The following GRM4 variants were observed in gnomAD, a reference collection of about 807,000 sequenced individuals.
GRM4 encodes the protein metabotropic glutamate receptor 4.
Under a neutral mutation model 81.7 loss-of-function variants are expected in GRM4, and 28 were observed. The observed-to-expected ratio is 0.34, with a 90% CI of 0.25 to 0.47. The LOEUF (loss-of-function observed/expected upper bound fraction) is 0.47. GRM4 is among the 20% of genes least tolerant of loss of function. GRM4 has a pLI of 1.00. For synonymous variants in GRM4, 488 were observed against 528.8 expected (o/e 0.92, Z 1.06); for missense variants, 948 against 1,290.0 (o/e 0.73, Z 4.06).
chr6:34,103,226 C>T (rs1012737567), intron 2 of GRM4, among the ~76,000 whole-genome samples: 2 of 152,236 alleles, frequency 1.3e-5, no homozygotes, highest in Non-Finnish European at 2.9e-5. Context: ...TTACGTTTTC[C>T]AGGAGAGAAC....
chr6:34,102,038 A>G, intron 2 of GRM4: 9 of 1,535,322 alleles, frequency 5.9e-6, no homozygotes, highest in Non-Finnish European at 7.8e-6. Flanking sequence ...TCCACCCCCA[A>G]AGCATGGCCC....
chr6:34,123,179 C>A (rs1177866521), intron 2 of GRM4, among the ~76,000 whole-genome samples: 1 of 152,170 alleles, frequency 6.6e-6, no homozygotes, highest in Non-Finnish European at 1.5e-5. Context: ...CAAGGGGAGA[C>A]CCTCAGCCCT....
intron 4 of GRM4, chr6:34,061,141 A>G (rs1391808398): frequency 3.3e-5 from 5 of 152,262 alleles, no homozygotes; most frequent in Admixed American, 6.5e-5. Flanking sequence ...CCCGGGCCAG[A>G]TATCTGAGGA....
In GRM4 at chr6:34,133,145, G is replaced by C; in HGVS notation, c.352C>G (p.Gln118Glu). Residue 118 changes from glutamine (Q) to glutamate (E), a missense_variant, in exon 2 of 11, where the codon CAG (glutamine) becomes GAG (glutamate). Physicochemically the swap from Gln to Glu is conservative, Grantham distance 29 (BLOSUM62 2). Coordinates refer to ENST00000538487, the MANE Select transcript of GRM4 (RefSeq NM_000841.4). The surrounding 1 kb of genome is among the most constrained non-coding windows in gnomAD (Gnocchi z 6.5). ...AGCGCCTGCACAAAGGTCAGCGACT[G>C]CTCGAGGGCATGGGTGTCCCTGGAG... ...TCSRDTHALEQSLTFVQALIE... is the reference protein window; with the variant it reads ...TCSRDTHALEESLTFVQALIE... 1 of 1,614,086 alleles carries C rather than the reference G, an allele frequency of 6.2e-7. No individual in the cohort carries two copies. The highest frequency in any genetic ancestry group is 8.5e-7 in the Non-Finnish European group (1 of 1,179,954).
intron 2 of GRM4, among the ~76,000 whole-genome samples, chr6:34,104,362 T>A (rs1350517426): frequency 6.6e-6 from 1 of 152,214 alleles, no homozygotes; most frequent in Non-Finnish European, 1.5e-5. Flanking sequence ...GGAGTGTTCG[T>A]GTCATCATAA....
At position 34,136,563 on chromosome 6, in the gene GRM4, G is replaced by GACACACACACACACACACACACACACAC. The variant is rs10635207; in HGVS notation, c.-363-2732_-363-2705dup. ...GCTGAGCAGTGCATGCGCGCGTGCG[G>GACACACACACACACACACACACACACAC]ACACACACACACACACACACACACA... is the stretch of plus-strand genomic sequence containing the variant. On this transcript the variant is annotated intron_variant, in intron 1 of 10. Transcript: ENST00000538487. This position sits in a 1 kb window ranked among gnomAD's most constrained non-coding sequence, Gnocchi z 4.1. Among the ~76,000 whole-genome samples, 2 of 142,532 alleles carry GACACACACACACACACACACACACACAC rather than the reference G, an allele frequency of 1.4e-5. No homozygotes were observed. Among genetic ancestry groups the GACACACACACACACACACACACACACAC allele is most frequent in the South Asian group, 2.3e-4 (1 of 4,288 alleles). The allele number at this position is 142,532 out of a possible 152,430, so 93.5% of individuals were successfully genotyped here.
intron 3 of GRM4, among the ~76,000 whole-genome samples, chr6:34,088,328 T>C (rs552990548): frequency 1.3e-5 from 2 of 152,274 alleles, no homozygotes; most frequent in Admixed American, 6.5e-5. Flanking sequence ...TTCACCATGT[T>C]GGCCAAGCTG....
intron 2 of GRM4, among the ~76,000 whole-genome samples, chr6:34,117,932 C>G (rs1434905064): frequency 6.6e-6 from 1 of 152,132 alleles, no homozygotes; most frequent in Admixed American, 6.5e-5. Flanking sequence ...ATGAAAGATG[C>G]GAGGGCCCCT....
intron 2 of GRM4, among the ~76,000 whole-genome samples, chr6:34,122,666 C>T (rs1373174038): frequency 6.6e-6 from 1 of 152,082 alleles, no homozygotes; most frequent in Non-Finnish European, 1.5e-5. Flanking sequence ...TCCACCCCTG[C>T]TGCGGGCACC....
At chr6:34,149,057 T>C (rs1167154458), upstream of GRM4, among the ~76,000 whole-genome samples, 1 of 152,150 alleles carries the variant, frequency 6.6e-6, no homozygotes, top group African/African-American at 2.4e-5. Context: ...CTTCCTGAGG[T>C]CTGACCTAAC....
At chr6:34,117,999 A>G (rs1769663806) in intron 2 of GRM4, among the ~76,000 whole-genome samples, 1 of 152,212 alleles carries the variant, frequency 6.6e-6, no homozygotes, top group East Asian at 1.9e-4. Context: ...AGGATATTGG[A>G]ACATGCTCAC....
chr6:34,037,448 T>A (rs928373892), intron 8 of GRM4, among the ~76,000 whole-genome samples: 4 of 152,158 alleles, frequency 2.6e-5, no homozygotes, highest in African/African-American at 9.7e-5. Context: ...AAATAAAGTG[T>A]CTCTTAGGAA....
At chr6:34,063,720 A>C (rs1581637945) in intron 3 of GRM4, 1 of 152,398 alleles carries the variant, frequency 6.6e-6, no homozygotes, top group African/African-American at 2.4e-5. Context: ...AGAGGGAGCC[A>C]AGGGAGGCAG....
intron 10 of GRM4, among the ~76,000 whole-genome samples, chr6:34,027,481 T>C (rs1400400864): frequency 6.6e-6 from 1 of 152,126 alleles, no homozygotes; most frequent in Non-Finnish European, 1.5e-5. Flanking sequence ...GGCAACTACC[T>C]GAGCGCCGCT....
rs1387950540 is a variant in GRM4 at position 34,087,333 on chromosome 6, C to G, written c.736+4550G>C. ...ACTTGGGAGGCTGAGGCAGGAGAAT[C>G]GTTTGAATCCGGGAGGTGGAGGTTG... On this transcript the variant is annotated intron_variant, in intron 3 of 10. Transcript: ENST00000538487. Among the ~76,000 whole-genome samples, 8 of 149,938 alleles carry G rather than the reference C, an allele frequency of 5.3e-5. No homozygotes were observed. The Admixed American group carries it at 5.4e-4, about 10-fold the overall frequency.
At position 34,035,363 on chromosome 6, in the gene GRM4, A is replaced by G. The variant is rs1764635068; in HGVS notation, c.2442+305T>C. 6.6e-6 allele frequency among the ~76,000 whole-genome samples: 1 copy of G among 150,914 alleles called. No individual in the cohort carries two copies. Among genetic ancestry groups the G allele is most frequent in the Non-Finnish European group, 1.5e-5 (1 of 67,732 alleles). ...GGAAAGAGGGAGTAAAGTGGGGCTGAAGGAGACAAAAGGAGGAGAGAAAAA... is the reference window on the plus strand; with the variant it reads ...GGAAAGAGGGAGTAAAGTGGGGCTGGAGGAGACAAAAGGAGGAGAGAAAAA... On this transcript the variant is annotated intron_variant, in intron 9 of 10. Transcript: ENST00000538487. The surrounding 1 kb of genome is among the most constrained non-coding windows in gnomAD (Gnocchi z 6.6).
chr6:34,110,083 GC>G (rs1431861731), intron 2 of GRM4, among the ~76,000 whole-genome samples: 1 of 152,138 alleles, frequency 6.6e-6, no homozygotes, highest in Non-Finnish European at 1.5e-5. Context: ...GATTCCTTGA[GC>G]CCAGGAGTTC....
chr6:34,143,483 A>AC (rs1344699165), intron 1 of GRM4, among the ~76,000 whole-genome samples: 2 of 152,102 alleles, frequency 1.3e-5, no homozygotes, highest in African/African-American at 4.8e-5. Context: ...GGGTGCTCAC[A>AC]CCCCAGAGTA....
At position 34,136,792 on chromosome 6, in the gene GRM4, T is replaced by G. The variant is rs1770476678; in HGVS notation, c.-363-2933A>C. Among the ~76,000 whole-genome samples, 2 of 152,242 alleles carry G rather than the reference T, an allele frequency of 1.3e-5. No individual in the cohort carries two copies. The highest frequency in any genetic ancestry group is 3.9e-4 in the East Asian group (2 of 5,168). On this transcript the variant is annotated intron_variant, in intron 1 of 10. Transcript: ENST00000538487. This position sits in a 1 kb window ranked among gnomAD's most constrained non-coding sequence, Gnocchi z 4.1. ...ACCCCTCAGTCCCACCAGGCCTGCC[T>G]TTTCTGAGCTTCTCCAGAGAGCTGG...
Sources: gnomAD v4.1 joint callset for allele counts (sites outside exome capture counted in the v4.1 genomes callset) on GRCh38, gnomAD v4.1.1 for gene constraint, Gnocchi (gnomAD v3.1) non-coding constraint, MANE v1.5 for transcripts, NCBI Gene and HGNC (gene_info 2026-07-23, HGNC 2026-07-21) for gene names.